Variants in CNOT6L observed in about 807,000 individuals in gnomAD.
The protein encoded by CNOT6L is CCR4-NOT transcription complex subunit 6 like, also known as CCR4-NOT transcription complex subunit 6-like.
In CNOT6L, 7 loss-of-function variants were observed where a neutral mutation model predicts 64.0. The observed-to-expected ratio is 0.11, with a 90% CI of 0.06 to 0.21. The LOEUF (loss-of-function observed/expected upper bound fraction) is 0.21. Ranked by LOEUF, CNOT6L falls within the 10% of genes least tolerant of loss-of-function variation. The pLI is 1.00. For synonymous variants in CNOT6L, 193 were observed against 243.4 expected (o/e 0.79, Z 1.93); for missense variants, 245 against 669.0 (o/e 0.37, Z 6.99).
intron 1 of CNOT6L, among the ~76,000 whole-genome samples, chr4:77,783,035 GTCTT>G (rs979239340): frequency 6.7e-6 from 1 of 149,002 alleles, no homozygotes; most frequent in African/African-American, 2.5e-5. Flanking sequence ...GATGGCATTT[GTCTT>G]TCTTTAATTA....
intron 1 of CNOT6L, among the ~76,000 whole-genome samples, chr4:77,786,465 A>G (rs1729454449): frequency 6.6e-6 from 1 of 152,030 alleles, no homozygotes; most frequent in Non-Finnish European, 1.5e-5. Flanking sequence ...AAAGAAAATA[A>G]AAGTAAATTA....
chr4:77,724,837 G>A (rs936900367), intron 11 of CNOT6L, among the ~76,000 whole-genome samples: 6 of 133,604 alleles, frequency 4.5e-5, no homozygotes, highest in African/African-American at 1.9e-4. Flanking sequence ...GTGGTAAACT[G>A]TATCATTAAA....
At chr4:77,759,825 C>G (rs967182108) in intron 4 of CNOT6L, among the ~76,000 whole-genome samples, 3 of 152,160 alleles carry the variant, frequency 2.0e-5, no homozygotes, top group African/African-American at 7.2e-5. Context: ...ACATAATACT[C>G]CACTCGGAAA....
chr4:77,749,483 C>G (rs1473120399), intron 5 of CNOT6L, among the ~76,000 whole-genome samples: 1 of 152,144 alleles, frequency 6.6e-6, no homozygotes, highest in African/African-American at 2.4e-5. Flanking sequence ...CCTTAATTAG[C>G]AAAATCTACC....
intron 1 of CNOT6L, among the ~76,000 whole-genome samples, chr4:77,807,606 A>G (rs1303891787): frequency 6.6e-6 from 1 of 152,222 alleles, no homozygotes; most frequent in South Asian, 2.1e-4. Flanking sequence ...AAGGTATTGT[A>G]GGCATATATA....
chr4:77,778,754 C>T (rs1448892164), intron 1 of CNOT6L, among the ~76,000 whole-genome samples: 1 of 151,322 alleles, frequency 6.6e-6, no homozygotes, highest in African/African-American at 2.4e-5. Context: ...TTTTATAAAA[C>T]ACAGGGCAGG....
intron 1 of CNOT6L, among the ~76,000 whole-genome samples, chr4:77,802,968 G>A (rs1460268869): frequency 6.6e-6 from 1 of 152,056 alleles, no homozygotes; most frequent in Non-Finnish European, 1.5e-5. Flanking sequence ...CCTTTTATAA[G>A]GAATGATAAA....
chr4:77,779,055 A>C (rs1216169199), intron 1 of CNOT6L, among the ~76,000 whole-genome samples: 12 of 94,136 alleles, frequency 1.3e-4, no homozygotes, highest in Non-Finnish European at 1.9e-4. Flanking sequence ...TCAAAAAAAA[A>C]AAAAAAACAA....
At chr4:77,722,473 G>T (rs772813895) in intron 11 of CNOT6L, among the ~76,000 whole-genome samples, 1 of 152,146 alleles carries the variant, frequency 6.6e-6, no homozygotes, top group East Asian at 1.9e-4. Flanking sequence ...CAAGGCCCAA[G>T]AATTGCTTTA....
chr4:77,777,445 AAACT>A (rs1355812055), intron 1 of CNOT6L, among the ~76,000 whole-genome samples: 1 of 152,230 alleles, frequency 6.6e-6, no homozygotes, highest in Non-Finnish European at 1.5e-5. Flanking sequence ...GCTAGACATA[AAACT>A]CATCAAATGT....
At chr4:77,723,991 G>T (rs1645677758) in intron 11 of CNOT6L, among the ~76,000 whole-genome samples, 1 of 152,090 alleles carries the variant, frequency 6.6e-6, no homozygotes, top group Admixed American at 6.5e-5. Flanking sequence ...TGGGTACAGT[G>T]GCTCACACCT....
In CNOT6L at chr4:77,779,046, C is replaced by CAAAAAAAAAAA. The variant is rs747920305; in HGVS notation, c.6-2665_6-2655dup. ...TAGGTGACAGAGCGAGACTCTGTCT[C>CAAAAAAAAAAA]AAAAAAAAAAAAAAAACAAAAAAAA... On this transcript the variant is annotated intron_variant, in intron 1 of 11. Transcript: ENST00000504123. Among the ~76,000 whole-genome samples, 121 of 67,086 alleles carry CAAAAAAAAAAA rather than the reference C, an allele frequency of 1.8e-3. 3 individuals carry two copies. The highest frequency in any genetic ancestry group is 3.5e-3 in the South Asian group (5 of 1,418). 44.0% of individuals were successfully genotyped at this position (67,086 alleles called of 152,430 possible).
intron 1 of CNOT6L, among the ~76,000 whole-genome samples, chr4:77,779,709 C>T (rs1172283517): frequency 6.6e-6 from 1 of 152,200 alleles, no homozygotes; most frequent in African/African-American, 2.4e-5. Flanking sequence ...GCCTTGTAAT[C>T]CCAGCACTTT....
chr4:77,779,333 T>A (rs1450479071), intron 1 of CNOT6L, among the ~76,000 whole-genome samples: 3 of 152,110 alleles, frequency 2.0e-5, no homozygotes, highest in Non-Finnish European at 2.9e-5. Context: ...ACCCAATGCT[T>A]TTCTAAAAAT....
At chr4:77,738,200 G>A (rs765528683) in intron 8 of CNOT6L, among the ~76,000 whole-genome samples, 8 of 152,124 alleles carry the variant, frequency 5.3e-5, no homozygotes, top group Non-Finnish European at 1.0e-4. Flanking sequence ...ATAAGAGATT[G>A]CCTCTTCACA....
At chr4:77,813,879 A>G (rs1733248384) in intron 1 of CNOT6L, among the ~76,000 whole-genome samples, 1 of 152,232 alleles carries the variant, frequency 6.6e-6, no homozygotes, top group South Asian at 2.1e-4. Context: ...TATATGTTCC[A>G]GCAATTCCAC....
chr4:77,749,619 C>T (rs896189187), intron 5 of CNOT6L, among the ~76,000 whole-genome samples: 12 of 152,080 alleles, frequency 7.9e-5, no homozygotes, highest in African/African-American at 7.2e-5. Flanking sequence ...TTAAGTATAA[C>T]GCAATCAACA....
chr4:77,728,028 T>G (rs1283064610), intron 10 of CNOT6L, among the ~76,000 whole-genome samples: 1 of 152,168 alleles, frequency 6.6e-6, no homozygotes, highest in Non-Finnish European at 1.5e-5. Flanking sequence ...GCTTTGGTAT[T>G]GGCAAAAGAG....
intron 4 of CNOT6L, among the ~76,000 whole-genome samples, chr4:77,766,911 A>C (rs139057458): frequency 1.5e-3 from 234 of 151,760 alleles, no homozygotes; most frequent in African/African-American, 5.4e-3. Flanking sequence ...AAAAACACAA[A>C]AATTACCTAG....
Sources: gnomAD v4.1 joint callset for allele counts (sites outside exome capture counted in the v4.1 genomes callset) on GRCh38, gnomAD v4.1.1 for gene constraint, MANE v1.5 for transcripts, NCBI Gene and HGNC (gene_info 2026-07-23, HGNC 2026-07-21) for gene names.